The following SHCBP1 variants were observed in gnomAD, a reference collection of about 807,000 sequenced individuals.
SHCBP1 encodes the protein SHC SH2 domain-binding protein 1.
A neutral mutation model predicts 75.1 loss-of-function variants in SHCBP1; 60 were observed. That is an observed-to-expected ratio of 0.80 (90% CI 0.65 to 0.99). SHCBP1 has a LOEUF of 0.99. Among genes scored for constraint, SHCBP1 ranks in the 50% least tolerant of loss-of-function variants. The probability of loss-of-function intolerance (pLI) is 0.00; values close to 1 mark genes in which losing one functional copy is unlikely to be tolerated. For synonymous variants in SHCBP1, 290 were observed against 293.2 expected (o/e 0.99, Z 0.11); for missense variants, 709 against 809.4 (o/e 0.88, Z 1.50).
Position 46,592,951 on chromosome 16 carries a change from CAAAAAAAAAAAA to C in SHCBP1, c.1464+2589_1464+2600del. On this transcript the variant is annotated intron_variant, in intron 10 of 12. Transcript: ENST00000303383. ...AACATCCACTTATGATAAAAATTCT[CAAAAAAAAAAAA>C]AAAAAAAAAAAAAGCAGAAATTCTT... 1.8e-4 allele frequency among the ~76,000 whole-genome samples: 4 copies of C among 22,794 alleles called. No homozygotes were observed. The Admixed American group carries it at 3.1e-3, about 18-fold the overall frequency. The allele number at this position is 22,794 out of a possible 152,430, so 15.0% of individuals were successfully genotyped here. A position where few individuals can be genotyped will look rare whatever the true frequency, so the allele number is the denominator to read the frequency against.
At chr16:46,603,399 T>A in intron 8 of SHCBP1, 140 bp downstream of exon 8, 1 of 1,216,482 alleles carries the variant, frequency 8.2e-7, no homozygotes. Context: ...CAGCTTTCCA[T>A]GTCCTTAATG....
In SHCBP1 at chr16:46,579,042, T is replaced by C. The variant is rs1458669084; in HGVS notation, c.*2687A>G. On this transcript the variant is annotated 3_prime_UTR_variant, in exon 13 of 13. Coordinates refer to ENST00000303383, the MANE Select transcript of SHCBP1 (RefSeq NM_024745.5). Reference sequence around the variant, plus strand: ...GCAGTTTTTAAAAATATATTCGTGTTAATATCTATGGTGCAATAATACAAC... The same window carrying C: ...GCAGTTTTTAAAAATATATTCGTGTCAATATCTATGGTGCAATAATACAAC... 1.3e-5 allele frequency among the ~76,000 whole-genome samples: 2 copies of C among 152,198 alleles called. No individual in the cohort carries two copies. The highest frequency in any genetic ancestry group is 2.9e-5 in the Non-Finnish European group (2 of 68,028).
At chr16:46,601,945 G>T (rs767779950) in intron 8 of SHCBP1, among the ~76,000 whole-genome samples, 2 of 152,028 alleles carry the variant, frequency 1.3e-5, no homozygotes, top group Non-Finnish European at 2.9e-5. Context: ...TTGTTATATT[G>T]GTTAGCTATA....
Position 46,604,438 on chromosome 16 carries a change from C to T in SHCBP1, c.713G>A (p.Arg238Gln), listed in dbSNP as rs761142529. The T allele has an allele frequency of 4.7e-5, 76 of 1,612,242 alleles. No homozygotes were observed. Among genetic ancestry groups the T allele is most frequent in the Non-Finnish European group, 6.2e-5 (73 of 1,178,454 alleles). ...LRLHYDILED[R>Q]VPSGLIVDYH... ...GTCAACAATAAGTCCTGATGGAACT[C>T]GGTCTTCAAGAATGTCATAATGCCT... Residue 238 changes from arginine (R) to glutamine (Q), a missense_variant, in exon 6 of 13, where the codon CGA (arginine) becomes CAA (glutamine). Arg to Gln is a conservative substitution (Grantham distance 43). Coordinates refer to ENST00000303383, the MANE Select transcript of SHCBP1 (RefSeq NM_024745.5).
chr16:46,599,220 G>A (rs189115681), intron 9 of SHCBP1, among the ~76,000 whole-genome samples: 1 of 152,246 alleles, frequency 6.6e-6, no homozygotes, highest in East Asian at 1.9e-4. Flanking sequence ...AGACCTAGGT[G>A]TCAGCCTATC....
rs1037117207 is a variant in SHCBP1 at position 46,608,215 on chromosome 16, G to T, written c.689+82C>A. The T allele has an allele frequency of 1.0e-5, 8 of 797,458 alleles. No individual in the cohort carries two copies. The African/African-American group carries it at 1.2e-4, about 12-fold the overall frequency. 49.4% of individuals were successfully genotyped at this position (797,458 alleles called of 1,614,324 possible). A position where few individuals can be genotyped will look rare whatever the true frequency, so the allele number is the denominator to read the frequency against. ...TGAGTGAGTGTGGGTGTGTGTGTGT[G>T]TGTGTATCTCACACAGGCAAAATTA... On this transcript the variant is annotated intron_variant, in intron 5 of 12. Coordinates refer to ENST00000303383, the MANE Select transcript of SHCBP1 (RefSeq NM_024745.5).
At chr16:46,619,591 G>A (rs1293842962) in intron 1 of SHCBP1, among the ~76,000 whole-genome samples, 2 of 152,110 alleles carry the variant, frequency 1.3e-5, no homozygotes, top group Non-Finnish European at 2.9e-5. Flanking sequence ...AAGATTAATT[G>A]TTAATAATTT....
Position 46,616,340 on chromosome 16 carries a change from G to A in SHCBP1, c.388-186C>T, listed in dbSNP as rs1010891723. ...ATGGAGCTTACACTGTAATCAGGGA[G>A]ATCAACAAACACAATGATAACCAGT... On this transcript the variant is annotated intron_variant, in intron 3 of 12. Coordinates refer to ENST00000303383, the MANE Select transcript of SHCBP1 (RefSeq NM_024745.5). The surrounding 1 kb of genome is among the most constrained non-coding windows in gnomAD (Gnocchi z 4.4). Among the ~76,000 whole-genome samples the A allele has an allele frequency of 6.6e-6, 1 of 152,166 alleles. No homozygotes were observed. The highest frequency in any genetic ancestry group is 2.4e-5 in the African/African-American group (1 of 41,426).
intron 4 of SHCBP1, 62 bp from the exon 5 acceptor site, chr16:46,608,451 G>C: frequency 9.0e-7 from 1 of 1,112,970 alleles, no homozygotes; most frequent in Non-Finnish European, 1.4e-6. Context: ...GGATTTTGGA[G>C]GGGTGAGAGC....
chr16:46,603,682 T>C (rs1203263455), intron 7 of SHCBP1, 23 bp from the exon 8 acceptor site: 1 of 1,613,720 alleles, frequency 6.2e-7, no homozygotes, highest in South Asian at 1.1e-5. Flanking sequence ...AAGAACACAT[T>C]TGTAAATATA....
chr16:46,587,559 A>G (rs1228449381), intron 10 of SHCBP1, among the ~76,000 whole-genome samples: 1 of 152,194 alleles, frequency 6.6e-6, no homozygotes, highest in Non-Finnish European at 1.5e-5. Flanking sequence ...TTAAAACAAT[A>G]GAAAAAGACT....
rs566356537 is a variant in SHCBP1 at position 46,611,365 on chromosome 16, C to T, written c.597-2976G>A. The stretch of plus-strand genomic sequence containing the variant: ...AACAATGAATGCTGTGGCATGAAAT[C>T]GCTCAGTGAGCCCACTATGTTTGTC... On this transcript the variant is annotated intron_variant, in intron 4 of 12. Transcript: ENST00000303383. 4.6e-5 allele frequency among the ~76,000 whole-genome samples: 7 copies of T among 152,358 alleles called. No homozygotes were observed. The South Asian group carries it at 8.3e-4, about 18-fold the overall frequency.
chr16:46,619,156 G>A (rs1160654661), intron 1 of SHCBP1, among the ~76,000 whole-genome samples: 6 of 152,116 alleles, frequency 3.9e-5, no homozygotes, highest in Non-Finnish European at 8.8e-5. Context: ...ATCACATTAG[G>A]TTTGGGCTGT....
chr16:46,582,181 C>T, intron 12 of SHCBP1, 127 bp from the exon 13 acceptor site: 1 of 873,522 alleles, frequency 1.1e-6, no homozygotes. Context: ...CTGACCCTCA[C>T]ACAGGATCAC....
At position 46,581,660 on chromosome 16, in the gene SHCBP1, T is replaced by C; in HGVS notation, c.*69A>G. ...ATACAGACAATACAGCAAACTACAA[T>C]GGCAGCAGTGATTCTTAGGGCAGCA... On this transcript the variant is annotated 3_prime_UTR_variant, in exon 13 of 13. Coordinates refer to ENST00000303383, the MANE Select transcript of SHCBP1 (RefSeq NM_024745.5). 3.7e-6 allele frequency: 5 copies of C among 1,348,674 alleles called. No homozygotes were observed. Among genetic ancestry groups the C allele is most frequent in the Non-Finnish European group, 5.2e-6 (5 of 965,846 alleles). 83.5% of individuals were successfully genotyped at this position (1,348,674 alleles called of 1,614,324 possible).
intron 5 of SHCBP1, among the ~76,000 whole-genome samples, chr16:46,607,449 T>G (rs185689173): frequency 5.7e-4 from 87 of 152,266 alleles, no homozygotes; most frequent in African/African-American, 1.9e-3. Context: ...TTTATTATTA[T>G]TTACTATTTA....
rs1448725426 is a variant in SHCBP1 at position 46,617,639 on chromosome 16, C to T, written c.382G>A (p.Val128Ile). 6.2e-7 allele frequency: 1 copy of T among 1,613,632 alleles called. No homozygotes were observed. Among genetic ancestry groups the T allele is most frequent in the East Asian group, 2.2e-5 (1 of 44,882 alleles). The change falls in exon 3 of 13, where the codon GTT (valine) becomes ATT (isoleucine). Residue 128 changes from valine to isoleucine, a missense_variant. Val to Ile is a conservative substitution (Grantham distance 29). Coordinates refer to ENST00000303383, the MANE Select transcript of SHCBP1 (RefSeq NM_024745.5). Reference protein sequence around the residue: ...VWHTNVFKVLVEITDVDFAAL... With the variant: ...VWHTNVFKVLIEITDVDFAAL... ...AATAACAAAATTAACCTTACCTCAA[C>T]CAGCACCTTGAACACATTAGTGTGC... is the stretch of plus-strand genomic sequence containing the variant.
chr16:46,620,227 C>T (rs956445647), intron 1 of SHCBP1, among the ~76,000 whole-genome samples: 4 of 152,050 alleles, frequency 2.6e-5, no homozygotes, highest in Non-Finnish European at 5.9e-5. Flanking sequence ...AAATTTGTGT[C>T]GCATTGCACC....
chr16:46,610,801 C>T (rs573704030), intron 4 of SHCBP1, among the ~76,000 whole-genome samples: 4 of 151,790 alleles, frequency 2.6e-5, no homozygotes, highest in African/African-American at 7.3e-5. Flanking sequence ...TAAAATGATC[C>T]GCCCACCTTG....
Sources: allele counts gnomAD v4.1 joint callset (sites outside exome capture counted in the v4.1 genomes callset), GRCh38; gene constraint gnomAD v4.1.1; non-coding constraint Gnocchi (gnomAD v3.1); transcripts MANE v1.5; gene names NCBI Gene and HGNC (gene_info 2026-07-23, HGNC 2026-07-21).